TRRAP: variants seen among roughly 807,000 people sequenced by gnomAD.
TRRAP encodes transformation/transcription domain associated protein, also known as transformation/transcription domain-associated protein.
A neutral mutation model predicts 438.8 loss-of-function variants in TRRAP; 41 were observed. That is an observed-to-expected ratio of 0.09 (90% CI 0.07 to 0.12). TRRAP has a LOEUF of 0.12. Among genes scored for constraint, TRRAP ranks in the 10% least tolerant of loss-of-function variants. The pLI is 1.00. For missense variants in TRRAP, 3,122 were observed against 5,055.1 expected, an observed-to-expected ratio of 0.62 and a Z score of 11.60; for synonymous variants, 1,994 against 1,962.9, an observed-to-expected ratio of 1.02 and a Z score of -0.42.
At chr7:99,007,265 C>T (rs1338766612) in intron 69 of TRRAP, among the ~76,000 whole-genome samples, 2 of 152,224 alleles carry the variant, frequency 1.3e-5, no homozygotes, top group African/African-American at 2.4e-5. Flanking sequence ...CAGCAGCTGT[C>T]TCAGAGCAGG....
chr7:98,989,351 G>A (rs1793287106), intron 63 of TRRAP, among the ~76,000 whole-genome samples: 1 of 152,228 alleles, frequency 6.6e-6, no homozygotes, highest in Admixed American at 6.5e-5. Context: ...CTGGCGTGCT[G>A]GGGTGGTTGT....
chr7:98,998,766 T>C, intron 67 of TRRAP: 1 of 225,164 alleles, frequency 4.4e-6, no homozygotes, highest in Non-Finnish European at 9.2e-6. Context: ...GCCACTCCTT[T>C]CTTTCCATCT....
In TRRAP at chr7:99,002,946, T is replaced by C. The variant is rs143713492; in HGVS notation, c.10310-1244T>C. Among the ~76,000 whole-genome samples the C allele has an allele frequency of 1.5e-3, 232 of 152,344 alleles. 1 individual carries two copies. Among genetic ancestry groups the C allele is most frequent in the African/African-American group, 5.3e-3 (222 of 41,592 alleles). ...TCCTTTCGGGGCAGGTGTTAAATTA[T>C]TCCCGTTCCTATACCACGGGTTAGA... is the stretch of plus-strand genomic sequence containing the variant. On this transcript the variant is annotated intron_variant, in intron 67 of 72. Transcript: ENST00000456197.
intron 67 of TRRAP, chr7:98,999,445 G>C: frequency 1.1e-6 from 1 of 911,040 alleles, no homozygotes; most frequent in Non-Finnish European, 1.8e-6. Context: ...TCTGATGGGA[G>C]GGGCTTGAGC....
chr7:98,910,900 T>A (rs534374274), intron 16 of TRRAP, among the ~76,000 whole-genome samples, 177 bp from the exon 17 acceptor site: 7 of 152,230 alleles, frequency 4.6e-5, no homozygotes, highest in African/African-American at 1.7e-4. Flanking sequence ...TTTTTTTTTT[T>A]AATTCTTTGC....
intron 22 of TRRAP, among the ~76,000 whole-genome samples, chr7:98,926,767 G>A (rs782568538): frequency 1.3e-5 from 2 of 152,100 alleles, no homozygotes; most frequent in Non-Finnish European, 2.9e-5. Context: ...CACTTTGGGA[G>A]GCTGAGGCGG....
At chr7:99,001,045 C>T (rs964466061) in intron 67 of TRRAP, among the ~76,000 whole-genome samples, 5 of 152,202 alleles carry the variant, frequency 3.3e-5, no homozygotes, top group African/African-American at 1.2e-4. Flanking sequence ...CTCATTGTGT[C>T]CTAGATGACA....
Position 99,012,413 on chromosome 7 carries a change from CT to C in TRRAP, c.*62del. On this transcript the variant is annotated 3_prime_UTR_variant, in exon 73 of 73. Coordinates refer to ENST00000456197, the MANE Select transcript of TRRAP (RefSeq NM_001375524.1). The surrounding 1 kb of genome is among the most constrained non-coding windows in gnomAD (Gnocchi z 5.9). ...GGCGCTCCGGGCTCTGAGCCCGCAG[CT>C]TTTACGACTTCTCCCTGCCTCGTTC... 6.7e-7 allele frequency: 1 copy of C among 1,499,756 alleles called. No individual in the cohort carries two copies. Among genetic ancestry groups the C allele is most frequent in the South Asian group, 1.3e-5 (1 of 77,312 alleles). 92.9% of individuals were successfully genotyped at this position (1,499,756 alleles called of 1,614,324 possible).
intron 39 of TRRAP, among the ~76,000 whole-genome samples, chr7:98,952,424 C>T (rs1252013118): frequency 6.6e-6 from 1 of 152,128 alleles, no homozygotes; most frequent in Admixed American, 6.5e-5. Context: ...GAAACTCAGT[C>T]CTAAATCACC....
chr7:98,948,274 T>C lies in TRRAP; in HGVS notation c.4602T>C (p.Ala1534=). The change falls in exon 34 of 73, where the codon GCT becomes GCC. Residue 1534 remains alanine, a synonymous_variant. Transcript: ENST00000456197. The surrounding 1 kb of genome is among the most constrained non-coding windows in gnomAD (Gnocchi z 4.9). ...ACCTTTTTCATCTGATCCCGGCTGC[T>C]CCTCAGACACTGGTGAAGCCTTTGC... is the stretch of plus-strand genomic sequence containing the variant. ...IINLFHLIPA[A]PQTLVKPLLE... is the part of the protein sequence containing the mutation. The C allele has an allele frequency of 3.1e-6, 5 of 1,614,202 alleles. No homozygotes were observed. The highest frequency in any genetic ancestry group is 4.2e-6 in the Non-Finnish European group (5 of 1,180,042).
intron 45 of TRRAP, 57 bp downstream of exon 45, chr7:98,959,547 T>C: frequency 6.3e-7 from 1 of 1,579,038 alleles, no homozygotes; most frequent in Non-Finnish European, 8.6e-7. Context: ...TAGCAGATAC[T>C]GTCACCTGGG....
chr7:98,996,169 TC>T lies in TRRAP; in HGVS notation c.10309+1325del, dbSNP rs567547090. On this transcript the variant is annotated intron_variant, in intron 67 of 72. Coordinates refer to ENST00000456197, the MANE Select transcript of TRRAP (RefSeq NM_001375524.1). ...CCTACATCCCATTTACACACGCGTG[TC>T]CCCGCGTATGCACTGTGTCCCATCT... is the stretch of plus-strand genomic sequence containing the variant. Among the ~76,000 whole-genome samples the T allele has an allele frequency of 2.2e-3, 327 of 151,320 alleles. 1 individual carries two copies. Among genetic ancestry groups the T allele is most frequent in the African/African-American group, 7.5e-3 (311 of 41,214 alleles).
rs1301833621 is a variant in TRRAP, at chr7:99,008,440, C to G, written c.10817C>G (p.Ser3606Cys). ...RLVEDNPSSLSLVEIYKQRCA... is the reference protein window; with the variant it reads ...RLVEDNPSSLCLVEIYKQRCA... ...GTGGAGGACAACCCCTCTTCACTTT[C>G]CCTTGTGGAGATCTACAAGCAGCGC... The change falls in exon 70 of 73, where the codon TCC (serine) becomes TGC (cysteine). Residue 3606 changes from serine (S) to cysteine (C), a missense_variant. Physicochemically the swap from Ser to Cys is moderately radical, Grantham distance 112 (BLOSUM62 -1). Around this residue, in one of 24 missense-constraint regions of TRRAP, gnomAD observed 38 missense variants for 32.1 expected, o/e 1.18. Transcript: ENST00000456197. The G allele has an allele frequency of 1.2e-6, 2 of 1,614,220 alleles. No homozygotes were observed. Among genetic ancestry groups the G allele is most frequent in the East Asian group, 4.5e-5 (2 of 44,878 alleles).
At chr7:98,952,116 CTGTT>C (rs1331809038) in intron 39 of TRRAP, among the ~76,000 whole-genome samples, 2 of 152,192 alleles carry the variant, frequency 1.3e-5, no homozygotes, top group Non-Finnish European at 2.9e-5. Flanking sequence ...TTCAGTCTGT[CTGTT>C]TTTCAGAATT....
Position 98,982,589 on chromosome 7 carries a change from C to T in TRRAP, c.8826+629C>T, listed in dbSNP as rs112725863. On this transcript the variant is annotated intron_variant, in intron 59 of 72. Transcript: ENST00000456197. ...GACAGAAAATCAGGATAATGAGGAT[C>T]GAGGGAAGGAAGATATCGTGTGCGC... Among the ~76,000 whole-genome samples the T allele has an allele frequency of 8.6e-3, 1,302 of 152,172 alleles. 24 individuals carry two copies. Among genetic ancestry groups the T allele is most frequent in the African/African-American group, 0.029 (1,194 of 41,506 alleles).
At chr7:98,925,639 C>T (rs1554411434) in intron 22 of TRRAP, among the ~76,000 whole-genome samples, 1 of 152,244 alleles carries the variant, frequency 6.6e-6, no homozygotes, top group African/African-American at 2.4e-5. Context: ...AGTGATCTTT[C>T]TCCAGATATT....
At chr7:98,882,903 C>G (rs782123876) in intron 3 of TRRAP, among the ~76,000 whole-genome samples, 38 of 152,368 alleles carry the variant, frequency 2.5e-4, no homozygotes, top group Admixed American at 1.1e-3. Flanking sequence ...AGGTGATCCT[C>G]CTGCCTTGGC....
chr7:99,006,719 C>T (rs939247528), intron 69 of TRRAP, among the ~76,000 whole-genome samples: 3 of 152,236 alleles, frequency 2.0e-5, no homozygotes, highest in Non-Finnish European at 4.4e-5. Flanking sequence ...GGACCCTCAC[C>T]GGGCAGGCTT....
chr7:98,978,719 A>G, intron 57 of TRRAP, 50 bp from the exon 58 acceptor site: 1 of 1,611,910 alleles, frequency 6.2e-7, no homozygotes, highest in Admixed American at 1.7e-5. Context: ...TTGTGAATTC[A>G]TGAGTGTGCT....
Sources: allele counts gnomAD v4.1 joint callset (sites outside exome capture counted in the v4.1 genomes callset), GRCh38; gene constraint gnomAD v4.1.1; regional missense constraint gnomAD v4.1.1; non-coding constraint Gnocchi (gnomAD v3.1); transcripts MANE v1.5; gene names NCBI Gene and HGNC (gene_info 2026-07-23, HGNC 2026-07-21).